The following SLC71A1 variants were observed in gnomAD, a reference collection of about 807,000 sequenced individuals.
SLC71A1 encodes solute carrier family 71 member 1.
chr1:100,067,469 T>G, the SLC71A1 span, among the ~76,000 whole-genome samples: 6 of 152,166 alleles, frequency 3.9e-5, no homozygotes, highest in Non-Finnish European at 8.8e-5. Context: ...CAGGCTGTTT[T>G]TAAGGCAAGA....
the SLC71A1 span, among the ~76,000 whole-genome samples, chr1:100,047,131 T>C: frequency 6.6e-6 from 1 of 152,248 alleles, no homozygotes; most frequent in Non-Finnish European, 1.5e-5. Context: ...CATCTTTGTC[T>C]TGTTCCAGAT....
chr1:100,042,751 G>A, the SLC71A1 span, among the ~76,000 whole-genome samples: 1 of 152,080 alleles, frequency 6.6e-6, no homozygotes, highest in African/African-American at 2.4e-5. Flanking sequence ...GGGATTACAG[G>A]CATGTGCCAT....
the SLC71A1 span, among the ~76,000 whole-genome samples, chr1:100,054,939 T>G: frequency 1.3e-5 from 2 of 152,082 alleles, no homozygotes; most frequent in African/African-American, 2.4e-5. Flanking sequence ...TTTGGAAGGG[T>G]TGGGGGTTGG....
At chr1:100,078,469 G>C in the SLC71A1 span, 1 of 1,611,516 alleles carries the variant, frequency 6.2e-7, no homozygotes, top group South Asian at 1.1e-5. Flanking sequence ...GGGCTGCTGG[G>C]GCAGTAGCAG....
the SLC71A1 span, chr1:100,082,935 A>G: frequency 6.6e-6 from 1 of 152,588 alleles, no homozygotes; most frequent in African/African-American, 2.4e-5. Flanking sequence ...TAATGTTTGC[A>G]TAATCATAAG....
chr1:100,046,415 G>A, the SLC71A1 span, among the ~76,000 whole-genome samples: 8 of 151,756 alleles, frequency 5.3e-5, no homozygotes, highest in Admixed American at 3.9e-4. Context: ...TAGTAGAGAC[G>A]GGGTTTCACT....
At chr1:100,059,957 C>T in the SLC71A1 span, 14 of 1,612,950 alleles carry the variant, frequency 8.7e-6, no homozygotes, top group African/African-American at 1.3e-5. Context: ...TTGCTGCTAA[C>T]GGTGTTTTTC....
chr1:100,062,863 A>C, the SLC71A1 span, among the ~76,000 whole-genome samples: 2 of 149,256 alleles, frequency 1.3e-5, no homozygotes, highest in Non-Finnish European at 3.0e-5. Flanking sequence ...ATCACTTGAG[A>C]TCAGGAGTTC....
the SLC71A1 span, among the ~76,000 whole-genome samples, chr1:100,060,580 A>G: frequency 6.6e-6 from 1 of 151,932 alleles, no homozygotes; most frequent in Non-Finnish European, 1.5e-5. Context: ...AAGTCATACT[A>G]CTGATAGCAA....
chr1:100,074,185 C>T, the SLC71A1 span, among the ~76,000 whole-genome samples: 1 of 152,186 alleles, frequency 6.6e-6, no homozygotes, highest in Non-Finnish European at 1.5e-5. Context: ...AGTGGGCCTG[C>T]TGCAGTAATT....
At chr1:100,058,597 G>T in the SLC71A1 span, 2 of 828,550 alleles carry the variant, frequency 2.4e-6, no homozygotes, top group South Asian at 1.5e-5. Flanking sequence ...TGTTCAAAAA[G>T]GTAAATGTAG....
chr1:100,083,116 AGAG>A, the SLC71A1 span: 4 of 152,538 alleles, frequency 2.6e-5, no homozygotes, highest in African/African-American at 7.2e-5. Flanking sequence ...TCAGGACCCT[AGAG>A]GAGAGCTTTA....
the SLC71A1 span, among the ~76,000 whole-genome samples, chr1:100,042,410 A>G: frequency 3.3e-5 from 5 of 152,108 alleles, no homozygotes; most frequent in Admixed American, 2.0e-4. Flanking sequence ...ATTTTAATTA[A>G]ATAGGAGTCA....
chr1:100,082,518 C>T, the SLC71A1 span: 1 of 312,942 alleles, frequency 3.2e-6, no homozygotes, highest in Non-Finnish European at 6.1e-6. Context: ...GCAAATGTCT[C>T]TGCTACCATT....
chr1:100,046,374 C>T, the SLC71A1 span, among the ~76,000 whole-genome samples: 2 of 151,806 alleles, frequency 1.3e-5, no homozygotes, highest in Non-Finnish European at 2.9e-5. Flanking sequence ...TTACAGGTCC[C>T]ACCACCACGC....
At chr1:100,061,340 CTG>C in the SLC71A1 span, among the ~76,000 whole-genome samples, 1 of 152,072 alleles carries the variant, frequency 6.6e-6, no homozygotes, top group East Asian at 1.9e-4. Context: ...GTGTGTAAAA[CTG>C]AGTTATTTGT....
At chr1:100,054,571 A>C in the SLC71A1 span, among the ~76,000 whole-genome samples, 1 of 152,128 alleles carries the variant, frequency 6.6e-6, no homozygotes, top group East Asian at 1.9e-4. Context: ...TTGATGGTTC[A>C]AGCTCCTAGA....
chr1:100,043,238 C>A, the SLC71A1 span: 6 of 934,010 alleles, frequency 6.4e-6, no homozygotes, highest in Non-Finnish European at 7.7e-6. Context: ...AGGTAACATT[C>A]TGACAAGTCT....
At chr1:100,057,300 G>A in the SLC71A1 span, among the ~76,000 whole-genome samples, 1 of 149,098 alleles carries the variant, frequency 6.7e-6, no homozygotes, top group South Asian at 2.1e-4. Flanking sequence ...TTGGAACACA[G>A]TCAAACCCAT....
Sources: gnomAD v4.1 joint callset for allele counts (sites outside exome capture counted in the v4.1 genomes callset) on GRCh38, gnomAD v4.1.1 for gene constraint, MANE v1.5 for transcripts, NCBI Gene and HGNC (gene_info 2026-07-23, HGNC 2026-07-21) for gene names.